The following RBPJ variants were observed in gnomAD, a reference collection of about 807,000 sequenced individuals.
RBPJ encodes recombining binding protein suppressor of hairless.
Under a neutral mutation model 67.8 loss-of-function variants are expected in RBPJ, and 9 were observed. That is an observed-to-expected ratio of 0.13 (90% CI 0.08 to 0.23). RBPJ has a LOEUF of 0.23. Ranked by LOEUF, RBPJ falls within the 10% of genes least tolerant of loss-of-function variation. The pLI is 1.00. For missense variants in RBPJ, 305 were observed against 595.6 expected (o/e 0.51, Z 5.08); for synonymous variants, 198 against 203.3 (o/e 0.97, Z 0.22).
chr4:26,313,622 A>T (rs1459474919), intron 1 of RBPJ, among the ~76,000 whole-genome samples: 1 of 152,010 alleles, frequency 6.6e-6, no homozygotes, highest in Non-Finnish European at 1.5e-5. Flanking sequence ...GTGAGCCAAG[A>T]TCATGCCACT....
intron 1 of RBPJ, among the ~76,000 whole-genome samples, chr4:26,183,313 T>G (rs1424293757): frequency 6.6e-6 from 1 of 152,248 alleles, no homozygotes; most frequent in African/African-American, 2.4e-5. Context: ...CCCTCATATA[T>G]GTGGCCCATC....
At chr4:26,322,018 TC>T in intron 1 of RBPJ, 1 of 151,808 alleles carries the variant, frequency 6.6e-6, no homozygotes, top group Non-Finnish European at 1.5e-5. Flanking sequence ...TTCATCGCCG[TC>T]TTTTTAGTGC....
chr4:26,412,327 G>A (rs919577626), intron 3 of RBPJ, among the ~76,000 whole-genome samples: 1 of 152,026 alleles, frequency 6.6e-6, no homozygotes, highest in Non-Finnish European at 1.5e-5. Context: ...CACCTACTGG[G>A]TTCAAGCGAT....
chr4:26,299,672 C>CTT (rs397879662), intron 1 of RBPJ, among the ~76,000 whole-genome samples: 526 of 85,286 alleles, frequency 6.2e-3, no homozygotes, highest in East Asian at 0.013. Flanking sequence ...AGACTGTGTG[C>CTT]TTTTTTTTTT....
In RBPJ at chr4:26,428,794, A is replaced by G; in HGVS notation, c.822A>G (p.Ala274=). Residue 274 remains alanine (A), a synonymous_variant, in exon 8 of 11, where the codon GCA becomes GCG. Transcript: ENST00000355476. ...DDPVSQLHKC[A]FYLKDTERMY... is the part of the protein sequence containing the mutation. ...CTGTGTCACAACTCCATAAATGTGCATTTTACCTTAAGGATACAGAAAGAA... is the reference window on the plus strand; with the variant it reads ...CTGTGTCACAACTCCATAAATGTGCGTTTTACCTTAAGGATACAGAAAGAA... 6.2e-7 allele frequency: 1 copy of G among 1,605,910 alleles called. No homozygotes were observed. The highest frequency in any genetic ancestry group is 8.5e-7 in the Non-Finnish European group (1 of 1,172,760).
intron 1 of RBPJ, among the ~76,000 whole-genome samples, chr4:26,234,849 C>CG (rs897340638): frequency 6.6e-6 from 1 of 152,020 alleles, no homozygotes; most frequent in Non-Finnish European, 1.5e-5. Context: ...CATGCCACCA[C>CG]GCCCAGCTAA....
chr4:26,344,269 C>G (rs1725883013), intron 1 of RBPJ, among the ~76,000 whole-genome samples: 1 of 152,066 alleles, frequency 6.6e-6, no homozygotes. Flanking sequence ...GAGTCTGGCT[C>G]TGTCACCCAG....
chr4:26,169,133 G>T (rs1412206817), intron 1 of RBPJ, among the ~76,000 whole-genome samples: 1 of 152,146 alleles, frequency 6.6e-6, no homozygotes, highest in Non-Finnish European at 1.5e-5. Flanking sequence ...TTCCTTTGGA[G>T]AAGGAGAGGT....
upstream of RBPJ, among the ~76,000 whole-genome samples, chr4:26,158,985 A>ATCTCTCTCTCTCTCTC (rs1577419927): frequency 3.7e-5 from 2 of 54,496 alleles, no homozygotes; most frequent in African/African-American, 6.0e-5. Context: ...CTCTCTCTCA[A>ATCTCTCTCTCTCTCTC]TTTAGTCCCT....
At chr4:26,201,603 C>G (rs1284948228) in intron 1 of RBPJ, among the ~76,000 whole-genome samples, 1 of 152,224 alleles carries the variant, frequency 6.6e-6, no homozygotes, top group African/African-American at 2.4e-5. Flanking sequence ...CCTCAACACA[C>G]ATGACCTGCA....
intron 1 of RBPJ, among the ~76,000 whole-genome samples, chr4:26,310,795 G>A (rs540173009): frequency 2.0e-5 from 3 of 151,240 alleles, no homozygotes; most frequent in African/African-American, 4.9e-5. Context: ...TCAGCCTCCC[G>A]AGTAGCTGGG....
the RBPJ span, among the ~76,000 whole-genome samples, chr4:26,106,968 G>A: frequency 6.6e-6 from 1 of 152,182 alleles, no homozygotes; most frequent in South Asian, 2.1e-4. Context: ...GAACTGATGA[G>A]TTGCAAAGGA....
At chr4:26,346,907 A>G (rs944818108) in intron 1 of RBPJ, among the ~76,000 whole-genome samples, 3 of 151,938 alleles carry the variant, frequency 2.0e-5, no homozygotes, top group African/African-American at 7.3e-5. Context: ...CAGGAGAATC[A>G]CTTGAACCCG....
chr4:26,270,928 A>G (rs959022621), intron 1 of RBPJ, among the ~76,000 whole-genome samples: 1 of 151,994 alleles, frequency 6.6e-6, no homozygotes, highest in Non-Finnish European at 1.5e-5. Context: ...ACGGTCAACC[A>G]TGGTTCGAAA....
chr4:26,160,037 G>A (rs1249095837), upstream of RBPJ, among the ~76,000 whole-genome samples: 1 of 151,944 alleles, frequency 6.6e-6, no homozygotes, highest in African/African-American at 2.4e-5. Context: ...TCCTGCCTCA[G>A]CCTCCTAAGT....
chr4:26,315,167 A>AAAAAATATATATATAT (rs1325689348), upstream of RBPJ, among the ~76,000 whole-genome samples: 5 of 74,760 alleles, frequency 6.7e-5, no homozygotes, highest in African/African-American at 2.0e-4. Flanking sequence ...AAAAAAAAAA[A>AAAAAATATATATATAT]ATATATATAT....
chr4:26,281,923 A>G (rs1721286003), intron 1 of RBPJ, among the ~76,000 whole-genome samples: 1 of 152,080 alleles, frequency 6.6e-6, no homozygotes, highest in Admixed American at 6.6e-5. Context: ...CTAATATAAC[A>G]CTCCTATTCT....
intron 1 of RBPJ, among the ~76,000 whole-genome samples, chr4:26,213,369 G>T (rs1314451009): frequency 6.6e-6 from 1 of 152,112 alleles, no homozygotes; most frequent in Non-Finnish European, 1.5e-5. Context: ...CAAGGGCAGA[G>T]AAAAAAACTG....
intron 1 of RBPJ, among the ~76,000 whole-genome samples, chr4:26,369,799 CTCT>C (rs975622890): frequency 1.3e-5 from 2 of 152,118 alleles, no homozygotes; most frequent in African/African-American, 4.8e-5. Context: ...TCTTTTCTTT[CTCT>C]TTTTTTTCAC....
Sources: allele counts gnomAD v4.1 joint callset (sites outside exome capture counted in the v4.1 genomes callset), GRCh38; gene constraint gnomAD v4.1.1; transcripts MANE v1.5; gene names NCBI Gene and HGNC (gene_info 2026-07-23, HGNC 2026-07-21).